Variants in AMY2B observed in about 807,000 individuals in gnomAD.
The protein encoded by AMY2B is alpha-amylase 2B.
Under a neutral mutation model 59.3 loss-of-function variants are expected in AMY2B, and 63 were observed. That is an observed-to-expected ratio of 1.06 (90% CI 0.87 to 1.31). AMY2B has a LOEUF of 1.31. Ranked by LOEUF, AMY2B falls within the 50% of genes most tolerant of loss-of-function variation. The pLI, the probability that AMY2B is intolerant of heterozygous loss-of-function variation, is 0.00. For synonymous variants in AMY2B, 180 were observed against 198.1 expected (o/e 0.91, Z 0.77); for missense variants, 635 against 626.7 (o/e 1.01, Z -0.14).
upstream of AMY2B, chr1:103,570,363 G>C: frequency 1.3e-6 from 1 of 748,308 alleles, no homozygotes; most frequent in East Asian, 3.5e-5. Context: ...ATGGAATCTT[G>C]TGGCATCCAC....
At chr1:103,568,029 C>T (rs112838769), upstream of AMY2B, among the ~76,000 whole-genome samples, 5,723 of 152,256 alleles carry the variant, frequency 0.038, 156 homozygotes, top group Non-Finnish European at 0.054. Flanking sequence ...AAGTCACTTT[C>T]TATTTTATGA....
Position 103,577,974 on chromosome 1 carries a change from A to C in AMY2B, c.1346+129A>C, listed in dbSNP as rs1272757297. The stretch of plus-strand genomic sequence containing the variant: ...TCAGTGGAGCAAGAAGACAATAGAC[A>C]TCAAAATTGGGCAGAAGTAAAAAGA... On this transcript the variant is annotated intron_variant, in intron 9 of 9. Transcript: ENST00000684275. The C allele has an allele frequency of 3.3e-6, 5 of 1,527,282 alleles. No homozygotes were observed. The Admixed American group carries it at 1.1e-4, about 33-fold the overall frequency. 94.6% of individuals were successfully genotyped at this position (1,527,282 alleles called of 1,614,324 possible).
rs1433785937 is a variant in AMY2B at position 103,573,056 on chromosome 1, T to A, written c.316-7T>A. ...AGTCACACTGAAGTAGAAACTTTGC[T>A]TTCTAGGTTCGTATTTATGTGGATG... On this transcript the variant is annotated splice_region_variant and splice_polypyrimidine_tract_variant and intron_variant, in intron 2 of 9. Coordinates refer to ENST00000684275, the MANE Select transcript of AMY2B (RefSeq NM_001387437.1). 1.9e-6 allele frequency: 3 copies of A among 1,613,240 alleles called. No individual in the cohort carries two copies. The African/African-American group carries it at 4.0e-5, about 22-fold the overall frequency.
chr1:103,573,244 A>G lies in AMY2B; in HGVS notation c.497A>G (p.Tyr166Cys). 1 of 1,613,642 alleles carries G rather than the reference A, an allele frequency of 6.2e-7. No individual in the cohort carries two copies. Among genetic ancestry groups the G allele is most frequent in the Non-Finnish European group, 8.5e-7 (1 of 1,179,620 alleles). Reference sequence around the variant, plus strand: ...ACTGGAAGTGGAGATATCGAGAACTACAATGATGCTACTCAGGTAAATTTT... The same window carrying G: ...ACTGGAAGTGGAGATATCGAGAACTGCAATGATGCTACTCAGGTAAATTTT... ...CKTGSGDIEN[Y>C]NDATQVRDCR... is the part of the protein sequence containing the mutation. Residue 166 changes from tyrosine to cysteine, a missense_variant, in exon 3 of 10, where the codon TAC becomes TGC. Physicochemically the swap from Tyr to Cys is radical, Grantham distance 194. Transcript: ENST00000684275.
At chr1:103,558,352 T>C (rs1415304308) in intron 1 of AMY2B, among the ~76,000 whole-genome samples, 1 of 152,222 alleles carries the variant, frequency 6.6e-6, no homozygotes, top group Non-Finnish European at 1.5e-5. Flanking sequence ...TAACCTATTC[T>C]GTCCTGATTG....
upstream of AMY2B, chr1:103,570,805 T>A: frequency 2.2e-6 from 1 of 450,146 alleles, no homozygotes; most frequent in South Asian, 1.6e-5. Context: ...TAAGTTGTCT[T>A]TAAAGCTTGT....
intron 2 of AMY2B, among the ~76,000 whole-genome samples, chr1:103,565,782 A>AT (rs1251674629): frequency 1.6e-4 from 25 of 152,174 alleles, no homozygotes; most frequent in African/African-American, 5.8e-4. Context: ...AGTGTCATTC[A>AT]TTGGATGCCC....
At chr1:103,571,565 A>G (rs772030068), upstream of AMY2B, 3 of 1,603,358 alleles carry the variant, frequency 1.9e-6, no homozygotes, top group Non-Finnish European at 1.7e-6. Flanking sequence ...AGGAATATAA[A>G]TAGTTTCTGG....
At position 103,573,159 on chromosome 1, in the gene AMY2B, A is replaced by G. The variant is rs1299657601; in HGVS notation, c.412A>G (p.Ser138Gly). 1 of 1,613,810 alleles carries G rather than the reference A, an allele frequency of 6.2e-7. No homozygotes were observed. The highest frequency in any genetic ancestry group is 1.7e-5 in the Admixed American group (1 of 60,002). The change falls in exon 3 of 10, where the codon AGT becomes GGT. Residue 138 changes from serine to glycine, a missense_variant. By Grantham distance (56) the Ser-to-Gly change is moderately conservative. Transcript: ENST00000684275. Reference sequence around the variant, plus strand: ...CTGTGGAAGTTACTTCAACCCTGGAAGTAGGGACTTTCCAGCAGTCCCATA... The same window carrying G: ...CTGTGGAAGTTACTTCAACCCTGGAGGTAGGGACTTTCCAGCAGTCCCATA... The part of the protein sequence containing the change: ...STCGSYFNPG[S>G]RDFPAVPYSG...
upstream of AMY2B, chr1:103,570,963 G>A (rs1053484573): frequency 2.9e-6 from 1 of 348,666 alleles, no homozygotes; most frequent in African/African-American, 2.1e-5. Flanking sequence ...ACGTACTTGT[G>A]GAAGACAAGT....
intron 2 of AMY2B, 39 bp from the exon 3 acceptor site, chr1:103,573,024 C>G: frequency 6.2e-7 from 1 of 1,612,228 alleles, no homozygotes; most frequent in Non-Finnish European, 8.5e-7. Context: ...ATTTCTGCCT[C>G]TCTGTAAGTC....
Position 103,574,278 on chromosome 1 carries a change from G to A in AMY2B, c.763G>A (p.Glu255Lys). The change falls in exon 5 of 10, where the codon GAG (glutamate) becomes AAG (lysine). Residue 255 changes from glutamate (E) to lysine (K), a missense_variant. Transcript: ENST00000684275. Reference protein sequence around the residue: ...IYQEVIDLGGEPIKSSDYFGN... With the variant: ...IYQEVIDLGGKPIKSSDYFGN... ...CTACTAGGTAATTGATCTGGGTGGT[G>A]AGCCAATTAAAAGCAGTGACTACTT... 1.9e-6 allele frequency: 3 copies of A among 1,611,602 alleles called. No individual in the cohort carries two copies. In the South Asian group the frequency reaches 3.3e-5, roughly 18 times the overall value.
At chr1:103,572,041 A>T in intron 1 of AMY2B, 69 bp from the exon 2 acceptor site, 1 of 1,599,434 alleles carries the variant, frequency 6.3e-7, no homozygotes, top group East Asian at 2.2e-5. Context: ...TATATTATTG[A>T]TTAGTTTCTA....
intron 9 of AMY2B, among the ~76,000 whole-genome samples, chr1:103,578,994 G>A (rs1265554723): frequency 1.3e-5 from 2 of 152,108 alleles, no homozygotes; most frequent in African/African-American, 4.8e-5. Flanking sequence ...ATTAAGTTCA[G>A]TTGAGAACAA....
chr1:103,573,955 A>G lies in AMY2B; in HGVS notation c.744+17A>G. On this transcript the variant is annotated intron_variant, in intron 4 of 9. Transcript: ENST00000684275. ...TACCAGGAGGTACATCAATACATAT[A>G]TGCATATAAAATATCATCTTATTCA... 1 of 1,613,650 alleles carries G rather than the reference A, an allele frequency of 6.2e-7. No homozygotes were observed. Among genetic ancestry groups the G allele is most frequent in the Non-Finnish European group, 8.5e-7 (1 of 1,179,674 alleles).
At position 103,565,595 on chromosome 1, in the gene AMY2B, G is replaced by A. The variant is rs1368848465; in HGVS notation, c.-47+1G>A. On this transcript the variant is annotated splice_donor_variant, in intron 2 of 11. Transcript: ENST00000361355. LOFTEE classifies it low-confidence loss of function (5UTR_SPLICE). ...GACTTCAAGTGATCTTTCATCCCAG[G>A]TAGGCTCACAACACAATGTATGATC... is the stretch of plus-strand genomic sequence containing the variant. The A allele has an allele frequency of 6.6e-6, 1 of 152,166 alleles. No homozygotes were observed. The highest frequency in any genetic ancestry group is 2.1e-4 in the South Asian group (1 of 4,834). 9.4% of individuals were successfully genotyped at this position (152,166 alleles called of 1,614,324 possible). A position where few individuals can be genotyped will look rare whatever the true frequency, so the allele number is the denominator to read the frequency against.
At chr1:103,575,738 CT>C in intron 7 of AMY2B, 198 bp downstream of exon 7, 1 of 777,470 alleles carries the variant, frequency 1.3e-6, no homozygotes. Context: ...GTATGCAAGC[CT>C]TTTCAGACAT....
intron 1 of AMY2B, chr1:103,561,839 G>C (rs1201708936): frequency 2.0e-5 from 3 of 152,046 alleles, no homozygotes; most frequent in African/African-American, 7.2e-5. Context: ...GGAAACAGGA[G>C]TGTGGTGATC....
chr1:103,561,045 C>T (rs565790612), intron 1 of AMY2B, among the ~76,000 whole-genome samples: 2 of 152,084 alleles, frequency 1.3e-5, no homozygotes, highest in South Asian at 2.1e-4. Flanking sequence ...GTAGGGTACG[C>T]GTGTGTGATA....
Sources: gnomAD v4.1 joint callset for allele counts (sites outside exome capture counted in the v4.1 genomes callset) on GRCh38, gnomAD v4.1.1 for gene constraint, MANE v1.5 for transcripts, NCBI Gene and HGNC (gene_info 2026-07-23, HGNC 2026-07-21) for gene names.